RLF: variants seen among roughly 807,000 people sequenced by gnomAD.
RLF encodes RLF zinc finger, also known as zinc finger protein Rlf.
In RLF, 7 loss-of-function variants were observed where a neutral mutation model predicts 162.9. The observed-to-expected ratio is 0.04, with a 90% CI of 0.02 to 0.08. RLF has a LOEUF of 0.08. Among genes scored for constraint, RLF ranks in the 10% least tolerant of loss-of-function variants. RLF has a pLI of 1.00. For synonymous variants in RLF, 782 were observed against 791.5 expected (o/e 0.99, Z 0.20); for missense variants, 1,664 against 2,244.7 (o/e 0.74, Z 5.23).
In RLF at chr1:40,239,935, G is replaced by A. The variant is rs200057280; in HGVS notation, c.5233G>A (p.Val1745Ile). ...QENTVKNPTH[V>I]PKENFRKHSQ... Reference sequence around the variant, plus strand: ...AAACACTGTAAAAAATCCAACCCATGTCCCAAAAGAGAATTTTAGGAAACA... The same window carrying A: ...AAACACTGTAAAAAATCCAACCCATATCCCAAAAGAGAATTTTAGGAAACA... The change falls in exon 8 of 8, where the codon GTC (valine) becomes ATC (isoleucine). Residue 1745 changes from valine to isoleucine, a missense_variant. Val to Ile is a conservative substitution (Grantham distance 29). Transcript: ENST00000372771. 2 of 1,613,474 alleles carry A rather than the reference G, an allele frequency of 1.2e-6. No individual in the cohort carries two copies. Among genetic ancestry groups the A allele is most frequent in the African/African-American group, 1.3e-5 (1 of 74,914 alleles).
At position 40,236,336 on chromosome 1, in the gene RLF, A is replaced by G. The variant is rs112922945; in HGVS notation, c.1634A>G (p.Glu545Gly). 6.2e-7 allele frequency: 1 copy of G among 1,614,030 alleles called. No homozygotes were observed. Among genetic ancestry groups the G allele is most frequent in the South Asian group, 1.1e-5 (1 of 91,064 alleles). ...GACAAAAAACCTATTGGCTCTTCTG[A>G]AAGATATCAGAGGTGGCTTCAGTAC... Reference protein sequence around the residue: ...KRDKKPIGSSERYQRWLQYKF... With the variant: ...KRDKKPIGSSGRYQRWLQYKF... The change falls in exon 8 of 8, where the codon GAA becomes GGA. Residue 545 changes from glutamate to glycine, a missense_variant. By Grantham distance (98) the Glu-to-Gly change is moderately conservative. Transcript: ENST00000372771. This position sits in a 1 kb window ranked among gnomAD's most constrained non-coding sequence, Gnocchi z 7.7.
chr1:40,185,881 GC>G (rs1182192575), intron 1 of RLF, among the ~76,000 whole-genome samples: 2 of 146,666 alleles, frequency 1.4e-5, no homozygotes, highest in African/African-American at 5.1e-5. Flanking sequence ...AAGGCTGGAT[GC>G]GAGGTGGCTT....
At chr1:40,231,114 G>T (rs890671638) in intron 6 of RLF, among the ~76,000 whole-genome samples, 2 of 151,692 alleles carry the variant, frequency 1.3e-5, no homozygotes, top group Non-Finnish European at 2.9e-5. Context: ...GAGTGTCTTT[G>T]TTGTATATAT....
chr1:40,235,166 G>A (rs559543934), intron 7 of RLF, among the ~76,000 whole-genome samples: 340 of 149,104 alleles, frequency 2.3e-3, no homozygotes, highest in Non-Finnish European at 3.9e-3. Context: ...GGGTTCAAGC[G>A]ATTCTGCTGC....
intron 1 of RLF, among the ~76,000 whole-genome samples, chr1:40,179,087 G>A (rs1344501604): frequency 6.6e-6 from 1 of 152,162 alleles, no homozygotes; most frequent in Non-Finnish European, 1.5e-5. Context: ...CACCTGCCCA[G>A]GCCTCCCAAA....
At chr1:40,193,058 A>C (rs1196441891) in intron 3 of RLF, among the ~76,000 whole-genome samples, 1 of 150,482 alleles carries the variant, frequency 6.6e-6, no homozygotes, top group African/African-American at 2.4e-5. Flanking sequence ...TTAATTGACC[A>C]ATGTCTTGCT....
chr1:40,187,638 T>C (rs1642499973), intron 1 of RLF, among the ~76,000 whole-genome samples: 1 of 152,194 alleles, frequency 6.6e-6, no homozygotes, highest in Non-Finnish European at 1.5e-5. Flanking sequence ...TAATGCAATA[T>C]ATTAGTTAAG....
chr1:40,203,109 CTTTTTTT>C (rs34957684), intron 5 of RLF, among the ~76,000 whole-genome samples: 1 of 99,690 alleles, frequency 1.0e-5, no homozygotes, highest in African/African-American at 4.0e-5. Flanking sequence ...AGGGTTGAGT[CTTTTTTT>C]TTTTTTTTTT....
Position 40,240,043 on chromosome 1 carries a change from G to A in RLF, c.5341G>A (p.Glu1781Lys). 1 of 1,614,128 alleles carries A rather than the reference G, an allele frequency of 6.2e-7. No individual in the cohort carries two copies. The highest frequency in any genetic ancestry group is 1.1e-5 in the South Asian group (1 of 91,070). Residue 1781 changes from glutamate to lysine, a missense_variant, in exon 8 of 8, where the codon GAA becomes AAA. By Grantham distance (56) the Glu-to-Lys change is moderately conservative (BLOSUM62 1). Transcript: ENST00000372771. The stretch of plus-strand genomic sequence containing the variant: ...ATTTCTGAAATTTATTCAGGAAAGT[G>A]AAGAGAAAGAAGATGATTTTGATGA... ...SSFLKFIQES[E>K]EKEDDFDDWE...
At chr1:40,177,663 C>G (rs1179347450) in intron 1 of RLF, among the ~76,000 whole-genome samples, 1 of 151,912 alleles carries the variant, frequency 6.6e-6, no homozygotes. Flanking sequence ...TCTAAGAAAT[C>G]TGTCTAATCC....
intron 4 of RLF, 122 bp from the exon 5 acceptor site, chr1:40,202,289 AT>A: frequency 1.5e-6 from 1 of 650,910 alleles, no homozygotes; most frequent in Non-Finnish European, 2.6e-6. Context: ...TAAACTTCTC[AT>A]TTATATAAAC....
intron 3 of RLF, among the ~76,000 whole-genome samples, chr1:40,195,303 G>T (rs1250319019): frequency 6.6e-6 from 1 of 151,892 alleles, no homozygotes; most frequent in African/African-American, 2.4e-5. Context: ...ACAAAAATTA[G>T]CTGGGCGCGG....
At chr1:40,198,659 A>G (rs763164196) in intron 4 of RLF, among the ~76,000 whole-genome samples, 17 of 152,194 alleles carry the variant, frequency 1.1e-4, no homozygotes, top group African/African-American at 4.1e-4. Flanking sequence ...AGTATATAGT[A>G]TAAGATAAAG....
At chr1:40,175,195 A>C (rs1642302657) in intron 1 of RLF, among the ~76,000 whole-genome samples, 1 of 83,464 alleles carries the variant, frequency 1.2e-5, no homozygotes, top group Non-Finnish European at 2.1e-5. Context: ...CTGTTCTGTT[A>C]TGGTGGGGGT....
At chr1:40,227,501 TA>T (rs1275168273) in intron 6 of RLF, among the ~76,000 whole-genome samples, 3 of 152,172 alleles carry the variant, frequency 2.0e-5, no homozygotes, top group African/African-American at 7.2e-5. Flanking sequence ...TCCTCATGAG[TA>T]ACATACTGGC....
rs1203946699 is a variant in RLF, at chr1:40,239,331, C to T, written c.4629C>T (p.His1543=). The T allele has an allele frequency of 6.2e-7, 1 of 1,614,090 alleles. No homozygotes were observed. The highest frequency in any genetic ancestry group is 8.5e-7 in the Non-Finnish European group (1 of 1,180,024). ...AGGCCCTCCATATGTGTGTGGAGCA[C>T]TCTGAGCACACACAGTACCCCTGCA... The part of the protein sequence containing the change: ...RAEALHMCVE[H]SEHTQYPCMV... The change falls in exon 8 of 8, where the codon CAC becomes CAT. Residue 1543 remains histidine, a synonymous_variant. Coordinates refer to ENST00000372771, the MANE Select transcript of RLF (RefSeq NM_012421.4).
intron 1 of RLF, among the ~76,000 whole-genome samples, chr1:40,172,529 A>G (rs944012793): frequency 6.6e-6 from 1 of 152,208 alleles, no homozygotes; most frequent in Non-Finnish European, 1.5e-5. Flanking sequence ...TCACACCTGT[A>G]ATCCCAGCAC....
intron 6 of RLF, among the ~76,000 whole-genome samples, chr1:40,226,368 G>A (rs377565633): frequency 4.6e-5 from 7 of 152,052 alleles, no homozygotes; most frequent in East Asian, 1.9e-4. Flanking sequence ...GTGTAATTAC[G>A]GCAGCCATTT....
At chr1:40,205,030 T>A (rs897564577) in intron 5 of RLF, among the ~76,000 whole-genome samples, 3 of 152,256 alleles carry the variant, frequency 2.0e-5, no homozygotes, top group Admixed American at 1.3e-4. Flanking sequence ...TGTATTTCAA[T>A]TGATGTTGTC....
Sources: allele counts gnomAD v4.1 joint callset (sites outside exome capture counted in the v4.1 genomes callset), GRCh38; gene constraint gnomAD v4.1.1; non-coding constraint Gnocchi (gnomAD v3.1); transcripts MANE v1.5; gene names NCBI Gene and HGNC (gene_info 2026-07-23, HGNC 2026-07-21).